TLK1: variants seen among roughly 807,000 people sequenced by gnomAD.
The protein encoded by TLK1 is serine/threonine-protein kinase tousled-like 1.
In TLK1, 24 loss-of-function variants were observed where a neutral mutation model predicts 105.3. The ratio of observed to expected loss-of-function variants is 0.23; its 90% CI spans 0.17 to 0.32. The LOEUF (loss-of-function observed/expected upper bound fraction) is 0.32, where lower values mean the gene tolerates loss of function less well. Among genes scored for constraint, TLK1 ranks in the 10% least tolerant of loss-of-function variants. TLK1 has a pLI of 1.00. For synonymous variants in TLK1, 321 were observed against 310.4 expected, an observed-to-expected ratio of 1.03 and a Z score of -0.36; for missense variants, 558 against 910.5, an observed-to-expected ratio of 0.61 and a Z score of 4.98.
intron 8 of TLK1, 39 bp downstream of exon 8, chr2:171,053,722 T>C (rs1394843222): frequency 1.4e-6 from 2 of 1,467,420 alleles, no homozygotes; most frequent in Non-Finnish European, 1.9e-6. Context: ...TGCCAAATAA[T>C]TTATTCAATT....
intron 1 of TLK1, among the ~76,000 whole-genome samples, chr2:171,158,860 C>CA (rs1486165429): frequency 1.3e-5 from 2 of 152,166 alleles, no homozygotes; most frequent in Non-Finnish European, 2.9e-5. Context: ...AATGAAAGCT[C>CA]AGCGTTGGGA....
chr2:171,178,449 T>G (rs975354484), intron 1 of TLK1, among the ~76,000 whole-genome samples: 1 of 152,316 alleles, frequency 6.6e-6, no homozygotes, highest in Middle Eastern at 3.4e-3. Flanking sequence ...GCTCTTTGGC[T>G]TCTCACCCTT....
chr2:171,224,085 T>C (rs1427874972), intron 1 of TLK1, among the ~76,000 whole-genome samples: 2 of 152,216 alleles, frequency 1.3e-5, no homozygotes, highest in African/African-American at 4.8e-5. Flanking sequence ...TTTGAGGTCT[T>C]AGATTTAAGT....
intron 1 of TLK1, among the ~76,000 whole-genome samples, chr2:171,202,284 C>A (rs1693419289): frequency 6.6e-6 from 1 of 151,870 alleles, no homozygotes; most frequent in Non-Finnish European, 1.5e-5. Context: ...GAAACCCCAT[C>A]TCTATTAAAA....
In TLK1 at chr2:171,031,018, TA is replaced by T. The variant is rs11420656; in HGVS notation, c.1170-2614del. ...AGTGATTCTTACCATTTTACAATCA[TA>T]AAAAAAAAAAAAATCTGAAGGAAGT... is the stretch of plus-strand genomic sequence containing the variant. On this transcript the variant is annotated intron_variant, in intron 11 of 20. Transcript: ENST00000431350. Among the ~76,000 whole-genome samples, 415 of 145,654 alleles carry T rather than the reference TA, an allele frequency of 2.8e-3. 2 individuals are homozygous for T. The highest frequency in any genetic ancestry group is 0.01 in the African/African-American group (399 of 39,794).
chr2:171,104,668 A>C (rs1394339149), intron 2 of TLK1, among the ~76,000 whole-genome samples: 1 of 152,186 alleles, frequency 6.6e-6, no homozygotes, highest in Admixed American at 6.5e-5. Context: ...TACAATGTTC[A>C]CCATGTTGGC....
chr2:171,146,254 T>C (rs1355584204), intron 1 of TLK1, among the ~76,000 whole-genome samples: 2 of 151,846 alleles, frequency 1.3e-5, no homozygotes, highest in African/African-American at 4.8e-5. Context: ...AGCCCAGGAG[T>C]TCCAGGCTGC....
chr2:171,038,580 C>G (rs1419697480), intron 11 of TLK1, among the ~76,000 whole-genome samples: 1 of 152,090 alleles, frequency 6.6e-6, no homozygotes, highest in African/African-American at 2.4e-5. Context: ...TCCATTGGCA[C>G]TTTTCCACTA....
chr2:171,131,833 C>CT lies in TLK1; in HGVS notation c.140-13977dup, dbSNP rs886751935. On this transcript the variant is annotated intron_variant, in intron 1 of 20. Transcript: ENST00000431350. ...TTCTTCCAGTCTTTTTTTCCACATA[C>CT]TTTTTTTTTTTCCAACAATTGAGAT... Among the ~76,000 whole-genome samples the CT allele has an allele frequency of 1.3e-3, 186 of 148,000 alleles. 1 individual carries two copies. The highest frequency in any genetic ancestry group is 3.5e-3 in the Middle Eastern group (1 of 282).
At position 170,991,342 on chromosome 2, in the gene TLK1, CA is replaced by C. The variant is rs759614324; in HGVS notation, c.*2437del. On this transcript the variant is annotated 3_prime_UTR_variant, in exon 21 of 21. Transcript: ENST00000431350. ...TCAGAGTGACCTTGAAATCATTTAG[CA>C]ATAGATACCAACTTTCCATGTGAGG... 1 of 152,144 alleles carries C rather than the reference CA, an allele frequency of 6.6e-6. No homozygotes were observed. The highest frequency in any genetic ancestry group is 1.5e-5 in the Non-Finnish European group (1 of 68,018). The allele number at this position is 152,144 out of a possible 1,614,324, so 9.4% of individuals were successfully genotyped here.
chr2:171,179,396 G>T (rs1270593161), intron 1 of TLK1, among the ~76,000 whole-genome samples: 3 of 152,126 alleles, frequency 2.0e-5, no homozygotes, highest in Admixed American at 2.0e-4. Flanking sequence ...GCTAAGAGAA[G>T]AAAAAAGTTA....
intron 12 of TLK1, chr2:171,023,126 A>C (rs1685605447): frequency 2.1e-6 from 1 of 471,034 alleles, no homozygotes; most frequent in Non-Finnish European, 4.4e-6. Flanking sequence ...CTATACTGTT[A>C]TCTCTTCAGA....
intron 1 of TLK1, among the ~76,000 whole-genome samples, chr2:171,145,589 CA>C (rs71401407): frequency 3.8e-4 from 44 of 116,120 alleles, no homozygotes; most frequent in Non-Finnish European, 3.8e-4. Context: ...GACTCTGTCT[CA>C]AAAAAAAAAA....
At chr2:171,059,614 C>G (rs1687650181) in intron 4 of TLK1, among the ~76,000 whole-genome samples, 1 of 152,032 alleles carries the variant, frequency 6.6e-6, no homozygotes, top group African/African-American at 2.4e-5. Flanking sequence ...TTGGTCCTAA[C>G]TAGTTTTGGA....
intron 1 of TLK1, among the ~76,000 whole-genome samples, chr2:171,228,368 A>G (rs1693937499): frequency 6.6e-6 from 1 of 152,158 alleles, no homozygotes; most frequent in Non-Finnish European, 1.5e-5. Flanking sequence ...AGCCTGAGCA[A>G]CACTGAAAGA....
intron 12 of TLK1, among the ~76,000 whole-genome samples, chr2:171,020,148 T>C (rs1685423649): frequency 6.6e-6 from 1 of 151,832 alleles, no homozygotes; most frequent in African/African-American, 2.4e-5. Context: ...CTCTAAGTCC[T>C]AAAAAAATTA....
At chr2:171,161,926 A>G (rs1170156265), upstream of TLK1, among the ~76,000 whole-genome samples, 1 of 152,240 alleles carries the variant, frequency 6.6e-6, no homozygotes, top group East Asian at 1.9e-4. Context: ...ACCAAATTGA[A>G]TAGAGCACTA....
At chr2:171,014,797 G>A in intron 13 of TLK1, 54 bp downstream of exon 13, 3 of 1,262,404 alleles carry the variant, frequency 2.4e-6, no homozygotes, top group South Asian at 2.4e-5. Context: ...TGCTCTATGG[G>A]GGGCGGGGGT....
intron 2 of TLK1, among the ~76,000 whole-genome samples, chr2:171,107,327 T>G (rs72885722): frequency 0.05 from 7,668 of 152,256 alleles, 301 homozygotes; most frequent in Non-Finnish European, 0.074. Context: ...TTGTAATAAC[T>G]AATCTATGGG....
Sources: allele counts gnomAD v4.1 joint callset (sites outside exome capture counted in the v4.1 genomes callset), GRCh38; gene constraint gnomAD v4.1.1; transcripts MANE v1.5; gene names NCBI Gene and HGNC (gene_info 2026-07-23, HGNC 2026-07-21).